Variants in DNAJC7 observed in about 807,000 individuals in gnomAD.
DNAJC7 encodes the protein DnaJ heat shock protein family (Hsp40) member C7.
A neutral mutation model predicts 67.4 loss-of-function variants in DNAJC7; 18 were observed. The ratio of observed to expected loss-of-function variants is 0.27; its 90% confidence interval spans 0.18 to 0.40. The LOEUF (loss-of-function observed/expected upper bound fraction) is 0.40. Ranked by LOEUF, DNAJC7 falls within the 10% of genes least tolerant of loss-of-function variation. DNAJC7 has a pLI of 1.00. For missense variants in DNAJC7, 419 were observed against 613.8 expected (o/e 0.68, Z 3.35); for synonymous variants, 220 against 207.8 (o/e 1.06, Z -0.50).
chr17:42,007,671 G>A (rs556844852), intron 1 of DNAJC7, among the ~76,000 whole-genome samples: 2 of 151,352 alleles, frequency 1.3e-5, no homozygotes, highest in South Asian at 2.1e-4. Context: ...CTACAGGCAC[G>A]CACCACCATG....
At chr17:41,987,471 T>C in intron 9 of DNAJC7, 1 of 209,760 alleles carries the variant, frequency 4.8e-6, no homozygotes, top group East Asian at 1.2e-4. Flanking sequence ...TGAGCACCTA[T>C]GTGTCAAGCA....
intron 12 of DNAJC7, 57 bp from the exon 13 acceptor site, chr17:41,977,380 T>C: frequency 6.8e-7 from 1 of 1,470,950 alleles, no homozygotes; most frequent in South Asian, 1.2e-5. Context: ...TTAGAAATGT[T>C]CGAAGAGAAC....
chr17:42,002,074 T>C (rs1381743476), intron 1 of DNAJC7, among the ~76,000 whole-genome samples: 4 of 152,190 alleles, frequency 2.6e-5, no homozygotes, highest in African/African-American at 7.2e-5. Flanking sequence ...TCTTGCTACA[T>C]GGTATTCACC....
intron 1 of DNAJC7, among the ~76,000 whole-genome samples, chr17:42,012,764 T>C (rs1294713479): frequency 6.6e-6 from 1 of 152,214 alleles, no homozygotes; most frequent in East Asian, 1.9e-4. Context: ...CTGATCTGTT[T>C]TGGAGTGCCA....
chr17:42,006,812 A>AAAAAAAAAG (rs1555650379), intron 1 of DNAJC7, among the ~76,000 whole-genome samples: 1 of 140,998 alleles, frequency 7.1e-6, no homozygotes, highest in African/African-American at 2.6e-5. Flanking sequence ...AAAAAAAAAA[A>AAAAAAAAAG]AAAAAAGTCC....
rs782401355 is a variant in DNAJC7, at chr17:41,983,639, GAGA to G, written c.1011-6_1011-4del. 1.2e-6 allele frequency: 2 copies of G among 1,600,170 alleles called. No homozygotes were observed. The highest frequency in any genetic ancestry group is 1.7e-6 in the Non-Finnish European group (2 of 1,172,530). On this transcript the variant is annotated splice_polypyrimidine_tract_variant and splice_region_variant and intron_variant, in intron 9 of 13. Coordinates refer to ENST00000457167, the MANE Select transcript of DNAJC7 (RefSeq NM_003315.4). ...CATACTGTTCTGTGTCCATGTAACT[GAGA>G]AGGAAATACAAGGCAATACAGCACT...
At position 41,988,854 on chromosome 17, in the gene DNAJC7, C is replaced by T; in HGVS notation, c.796G>A (p.Ala266Thr). ...AGTTTGTAATTTCCTTCCTTAAATG[C>T]TTTATTCCCATCTTCTTTCTTTGCT... ...LKAKKEDGNK[A>T]FKEGNYKLAY... is the part of the protein sequence containing the mutation. The change falls in exon 8 of 14, where the codon GCA (alanine) becomes ACA (threonine). Residue 266 changes from alanine to threonine, a missense_variant. Ala to Thr is a moderately conservative substitution (Grantham distance 58, BLOSUM62 0). Transcript: ENST00000457167. The T allele has an allele frequency of 6.2e-7, 1 of 1,613,672 alleles. No homozygotes were observed. Among genetic ancestry groups the T allele is most frequent in the South Asian group, 1.1e-5 (1 of 91,000 alleles).
intron 12 of DNAJC7, among the ~76,000 whole-genome samples, chr17:41,979,410 G>A (rs138766278): frequency 6.6e-6 from 1 of 151,864 alleles, no homozygotes; most frequent in African/African-American, 2.4e-5. Flanking sequence ...AGTGGCTCAC[G>A]CCTGTAATCC....
At chr17:42,008,406 A>ATG (rs2052028478) in intron 1 of DNAJC7, among the ~76,000 whole-genome samples, 1 of 72,746 alleles carries the variant, frequency 1.4e-5, no homozygotes, top group Non-Finnish European at 2.5e-5. Context: ...ATATATATAT[A>ATG]TAGATATAGA....
chr17:41,992,181 G>A (rs907352240), intron 5 of DNAJC7, among the ~76,000 whole-genome samples: 1 of 151,108 alleles, frequency 6.6e-6, no homozygotes, highest in Non-Finnish European at 1.5e-5. Context: ...TTTGTTTTTT[G>A]TTTTTTTTGA....
In DNAJC7 at chr17:41,976,542, C is replaced by G. The variant is rs2051083895; in HGVS notation, c.*191G>C. 4.7e-6 allele frequency: 3 copies of G among 636,234 alleles called. No homozygotes were observed. Among genetic ancestry groups the G allele is most frequent in the Middle Eastern group, 2.5e-4 (1 of 3,956 alleles). 39.4% of individuals were successfully genotyped at this position (636,234 alleles called of 1,614,324 possible). On this transcript the variant is annotated 3_prime_UTR_variant, in exon 14 of 14. Coordinates refer to ENST00000457167, the MANE Select transcript of DNAJC7 (RefSeq NM_003315.4). ...CTCCCTGTCCACCCCCGCCTCCCTC[C>G]CCTGCCCTCGGTCTTCGGCATTGGT...
Position 41,994,863 on chromosome 17 carries a change from A to C in DNAJC7, c.480+7T>G. 1 of 1,613,530 alleles carries C rather than the reference A, an allele frequency of 6.2e-7. No homozygotes were observed. The highest frequency in any genetic ancestry group is 8.5e-7 in the Non-Finnish European group (1 of 1,179,498). On this transcript the variant is annotated splice_region_variant and intron_variant, in intron 5 of 13. Transcript: ENST00000457167. ...GCAGATGAGATTATCTCATGGTTGT[A>C]CTGTACCTTCCGAAAATCTCGCTTC...
At chr17:42,007,325 C>T (rs1293351916) in intron 1 of DNAJC7, among the ~76,000 whole-genome samples, 1 of 151,930 alleles carries the variant, frequency 6.6e-6, no homozygotes, top group Non-Finnish European at 1.5e-5. Flanking sequence ...TCAGAATTCA[C>T]GGGATCTTGG....
chr17:41,991,887 C>G (rs1320261679), intron 5 of DNAJC7, among the ~76,000 whole-genome samples: 1 of 152,158 alleles, frequency 6.6e-6, no homozygotes. Context: ...CAATAAGTTG[C>G]CCAGGTTGGT....
intron 8 of DNAJC7, among the ~76,000 whole-genome samples, 175 bp from the exon 9 acceptor site, chr17:41,988,085 C>A (rs1555647163): frequency 3.3e-5 from 5 of 152,196 alleles, no homozygotes; most frequent in Non-Finnish European, 2.9e-5. Context: ...AAATTGATTT[C>A]TCTTGTATAT....
intron 9 of DNAJC7, 65 bp from the exon 10 acceptor site, chr17:41,983,701 C>G: frequency 6.9e-7 from 1 of 1,439,632 alleles, no homozygotes; most frequent in Middle Eastern, 1.8e-4. Flanking sequence ...CAGGATCACT[C>G]TAGGGCAAGA....
intron 1 of DNAJC7, chr17:42,014,502 A>G (rs1242486100): frequency 6.6e-6 from 1 of 152,058 alleles, no homozygotes; most frequent in East Asian, 1.9e-4. Context: ...AGTGGTATAT[A>G]ATAAATAACT....
intron 2 of DNAJC7, among the ~76,000 whole-genome samples, chr17:42,000,171 T>G (rs1555649299): frequency 6.7e-6 from 1 of 148,568 alleles, no homozygotes; most frequent in African/African-American, 2.5e-5. Flanking sequence ...CAGGTTGGAG[T>G]GCAGTGGCAC....
chr17:41,986,350 A>G (rs532656400), intron 9 of DNAJC7, among the ~76,000 whole-genome samples: 23 of 151,736 alleles, frequency 1.5e-4, no homozygotes, highest in Non-Finnish European at 2.5e-4. Context: ...TGAGCGACAT[A>G]GCGAGACTCC....
Sources: gnomAD v4.1 joint callset for allele counts (sites outside exome capture counted in the v4.1 genomes callset) on GRCh38, gnomAD v4.1.1 for gene constraint, MANE v1.5 for transcripts, NCBI Gene and HGNC (gene_info 2026-07-23, HGNC 2026-07-21) for gene names.